Variants in SLC5A2 observed in about 807,000 individuals in gnomAD.
The protein encoded by SLC5A2 is sodium/glucose cotransporter 2.
SLC5A2 carries 67 observed loss-of-function variants against 69.0 expected under a neutral mutation model. The observed-to-expected ratio is 0.97, with a 90% CI of 0.80 to 1.19. The LOEUF (loss-of-function observed/expected upper bound fraction) is 1.19. Among genes scored for constraint, SLC5A2 ranks in the 50% most tolerant of loss-of-function variants. SLC5A2 has a pLI of 0.00. For synonymous variants in SLC5A2, 455 were observed against 395.8 expected (o/e 1.15, Z -1.78); for missense variants, 1,001 against 921.5 (o/e 1.09, Z -1.12).
chr16:31,487,685 A>T lies in SLC5A2; in HGVS notation c.811A>T (p.Thr271Ser). The change falls in exon 7 of 14, where the codon ACC becomes TCC. Residue 271 changes from threonine (T) to serine (S), a missense_variant. Thr to Ser is a moderately conservative substitution (Grantham distance 58, BLOSUM62 1). Transcript: ENST00000330498. ...CTACCACCTGCTCCGGCACCCCGTG[A>T]CCGGGGATCTGCCGTGGCCCGCGCT... ...DSYHLLRHPVTGDLPWPALLL... is the reference protein window; with the variant it reads ...DSYHLLRHPVSGDLPWPALLL... 1 of 1,613,566 alleles carries T rather than the reference A, an allele frequency of 6.2e-7. No homozygotes were observed. Among genetic ancestry groups the T allele is most frequent in the Non-Finnish European group, 8.5e-7 (1 of 1,179,986 alleles).
chr16:31,488,107 T>TA lies in SLC5A2; in HGVS notation c.956dup (p.Tyr319Ter). The part of the protein sequence containing the change: ...HIKAGCILCG[Y>*]LKLTPMFLMV... ...CAAGGCGGGCTGCATCCTGTGTGGG[T>TA]ACCTGAAGCTGACGCCCATGTTTCT... The change falls in exon 8 of 14, where the codon TAC becomes TAAC. Residue 319 changes from tyrosine (Y) to a stop codon, truncating the protein, a stop_gained and frameshift_variant. Transcript: ENST00000330498. LOFTEE classifies it high-confidence loss of function. 6.2e-7 allele frequency: 1 copy of TA among 1,614,066 alleles called. No individual in the cohort carries two copies. The highest frequency in any genetic ancestry group is 8.5e-7 in the Non-Finnish European group (1 of 1,179,970).
chr16:31,487,647 C>T lies in SLC5A2; in HGVS notation c.773C>T (p.Pro258Leu). ...VGNISSFCYRPRPDSYHLLRH... is the reference protein window; with the variant it reads ...VGNISSFCYRLRPDSYHLLRH... The stretch of plus-strand genomic sequence containing the variant: ...AACATCTCCAGCTTCTGCTATCGAC[C>T]CCGGCCCGACTCCTACCACCTGCTC... The change falls in exon 7 of 14, where the codon CCC becomes CTC. Residue 258 changes from proline (P) to leucine (L), a missense_variant. By Grantham distance (98) the Pro-to-Leu change is moderately conservative. Coordinates refer to ENST00000330498, the MANE Select transcript of SLC5A2 (RefSeq NM_003041.4). 1 of 1,613,896 alleles carries T rather than the reference C, an allele frequency of 6.2e-7. No individual in the cohort carries two copies. The highest frequency in any genetic ancestry group is 1.1e-5 in the South Asian group (1 of 91,088).
chr16:31,485,979 T>A, intron 4 of SLC5A2, 86 bp downstream of exon 4: 1 of 1,472,920 alleles, frequency 6.8e-7, no homozygotes, highest in Non-Finnish European at 9.5e-7. Context: ...GCGTGAGACC[T>A]AGGAGAAACC....
At chr16:31,490,020 G>GT (rs2082547511) in intron 12 of SLC5A2, 84 bp from the exon 13 acceptor site, 6 of 1,576,524 alleles carry the variant, frequency 3.8e-6, no homozygotes, top group Middle Eastern at 2.2e-4. Context: ...AGGGCAGGCA[G>GT]TGACGAGCTG....
In SLC5A2 at chr16:31,489,247, A is replaced by C. The variant is rs1386802909; in HGVS notation, c.1574A>C (p.His525Pro). The change falls in exon 12 of 14, where the codon CAC becomes CCC. Residue 525 changes from histidine (H) to proline (P), a missense_variant. Coordinates refer to ENST00000330498, the MANE Select transcript of SLC5A2 (RefSeq NM_003041.4). ...TGCCCAGCTTTCCTCTGCGGCGTGCACTACCTCTACTTCGCCATTGTGCTG... is the reference window on the plus strand; with the variant it reads ...TGCCCAGCTTTCCTCTGCGGCGTGCCCTACCTCTACTTCGCCATTGTGCTG... Reference protein sequence around the residue: ...SACPAFLCGVHYLYFAIVLFF... With the variant: ...SACPAFLCGVPYLYFAIVLFF... The C allele has an allele frequency of 6.2e-7, 1 of 1,610,612 alleles. No individual in the cohort carries two copies. Among genetic ancestry groups the C allele is most frequent in the Non-Finnish European group, 8.5e-7 (1 of 1,179,974 alleles).
Position 31,485,811 on chromosome 16 carries a change from T to C in SLC5A2, c.386T>C (p.Leu129Pro). ...GGGGTCATCACGATGCCACAGTACC[T>C]GCGCAAGCGCTTCGGCGGCCGCCGC... ...TAGVITMPQYLRKRFGGRRIR... is the reference protein window; with the variant it reads ...TAGVITMPQYPRKRFGGRRIR... The change falls in exon 4 of 14, where the codon CTG becomes CCG. Residue 129 changes from leucine (L) to proline (P), a missense_variant. Transcript: ENST00000330498. 2 of 1,613,584 alleles carry C rather than the reference T, an allele frequency of 1.2e-6. No individual in the cohort carries two copies. Among genetic ancestry groups the C allele is most frequent in the Non-Finnish European group, 1.7e-6 (2 of 1,180,028 alleles).
intron 5 of SLC5A2, 107 bp downstream of exon 5, chr16:31,486,382 G>C: frequency 2.5e-6 from 2 of 796,166 alleles, no homozygotes; most frequent in Non-Finnish European, 4.4e-6. Context: ...GGTCTGGAAG[G>C]GTGGTGTGGT....
rs778977924 is a variant in SLC5A2, at chr16:31,488,872, C to A, written c.1281-8C>A. ...GGTCCGGGTTCGATCCGACGGCCTC[C>A]GCCGCAGGCTCTGGGTGGTGTTCAT... On this transcript the variant is annotated splice_region_variant and splice_polypyrimidine_tract_variant and intron_variant, in intron 10 of 13. Transcript: ENST00000330498. The A allele has an allele frequency of 7.5e-6, 12 of 1,604,530 alleles. No individual in the cohort carries two copies. Among genetic ancestry groups the A allele is most frequent in the African/African-American group, 2.7e-5 (2 of 75,042 alleles).
At chr16:31,489,939 G>A in intron 12 of SLC5A2, 165 bp from the exon 13 acceptor site, 1 of 884,368 alleles carries the variant, frequency 1.1e-6, no homozygotes, top group Non-Finnish European at 1.8e-6. Context: ...CGAGGGCACA[G>A]GGCAGCCATG....
rs376197037 is a variant in SLC5A2 at position 31,490,084 on chromosome 16, C to T, written c.1666-20C>T. 576 of 1,612,872 alleles carry T rather than the reference C, an allele frequency of 3.6e-4. No homozygotes were observed. Among genetic ancestry groups the T allele is most frequent in the Non-Finnish European group, 4.4e-4 (521 of 1,179,940 alleles). ...GGGGGGACAGAACTCCCACCTCGTT[C>T]GTGCTCCCACCCTCCCCAGCTCCAC... On this transcript the variant is annotated intron_variant, in intron 12 of 13. Coordinates refer to ENST00000330498, the MANE Select transcript of SLC5A2 (RefSeq NM_003041.4).
intron 4 of SLC5A2, 95 bp from the exon 5 acceptor site, chr16:31,486,075 A>C (rs2082493147): frequency 4.9e-6 from 6 of 1,228,486 alleles, no homozygotes; most frequent in Non-Finnish European, 6.0e-6. Flanking sequence ...GGAAAAATGG[A>C]GGGAAGCTTT....
chr16:31,488,504 C>G lies in SLC5A2; in HGVS notation c.1129+14C>G. 1 of 1,604,158 alleles carries G rather than the reference C, an allele frequency of 6.2e-7. No individual in the cohort carries two copies. The highest frequency in any genetic ancestry group is 8.5e-7 in the Non-Finnish European group (1 of 1,176,746). On this transcript the variant is annotated intron_variant, in intron 9 of 13. Transcript: ENST00000330498. ...TCATGCCCAACGGTAAGGGCAGCCC[C>G]GGGCCACAGGCGCAAGCTCGCTGCG...
At chr16:31,489,438 G>A (rs2142634189) in intron 12 of SLC5A2, 100 bp downstream of exon 12, 1 of 1,055,240 alleles carries the variant, frequency 9.5e-7, no homozygotes, top group East Asian at 2.6e-5. Flanking sequence ...CTCGACTGAG[G>A]GTTGGGAATG....
chr16:31,487,687 C>T lies in SLC5A2; in HGVS notation c.813C>T (p.Thr271=), dbSNP rs768958075. 1.1e-5 allele frequency: 18 copies of T among 1,613,538 alleles called. No individual in the cohort carries two copies. The highest frequency in any genetic ancestry group is 1.3e-5 in the African/African-American group (1 of 75,074). The part of the protein sequence containing the change: ...DSYHLLRHPV[T]GDLPWPALLL... ...ACCACCTGCTCCGGCACCCCGTGAC[C>T]GGGGATCTGCCGTGGCCCGCGCTGC... Residue 271 remains threonine, a synonymous_variant, in exon 7 of 14, where the codon ACC becomes ACT. Coordinates refer to ENST00000330498, the MANE Select transcript of SLC5A2 (RefSeq NM_003041.4).
At chr16:31,488,825 G>T in intron 10 of SLC5A2, 53 bp downstream of exon 10, 1 of 1,601,006 alleles carries the variant, frequency 6.2e-7, no homozygotes, top group Non-Finnish European at 8.5e-7. Context: ...GCGGGGGCTT[G>T]CGCACCTGCA....
At position 31,490,183 on chromosome 16, in the gene SLC5A2, C is replaced by A; in HGVS notation, c.1745C>A (p.Ser582Ter). 1 of 1,614,176 alleles carries A rather than the reference C, an allele frequency of 6.2e-7. No homozygotes were observed. Among genetic ancestry groups the A allele is most frequent in the East Asian group, 2.2e-5 (1 of 44,884 alleles). The change falls in exon 13 of 14, where the codon TCA (serine) becomes TAA (stop). Residue 582 changes from serine (S) to a stop codon, truncating the protein, a stop_gained. Coordinates refer to ENST00000330498, the MANE Select transcript of SLC5A2 (RefSeq NM_003041.4). LOFTEE classifies it high-confidence loss of function. Reference protein sequence around the residue: ...DLDADEQQGSSLPVQNGCPES... With the variant: ...DLDADEQQGS ...GATGCTGATGAGCAGCAAGGCTCCT[C>A]ACTCCCTGTACAGAATGGGTGCCCA...
chr16:31,489,075 A>G, intron 11 of SLC5A2, 27 bp downstream of exon 11: 1 of 1,602,964 alleles, frequency 6.2e-7, no homozygotes, highest in Non-Finnish European at 8.5e-7. Context: ...TGGTGACGGC[A>G]GGGCTGGGCT....
Position 31,489,068 on chromosome 16 carries a change from T to A in SLC5A2, c.1449+20T>A. 1.2e-6 allele frequency: 2 copies of A among 1,602,416 alleles called. No homozygotes were observed. The highest frequency in any genetic ancestry group is 1.7e-6 in the Non-Finnish European group (2 of 1,179,892). ...GAGCAGGTGAGCGGCACGCGCGTGG[T>A]GACGGCAGGGCTGGGCTTGCACATC... is the stretch of plus-strand genomic sequence containing the variant. On this transcript the variant is annotated intron_variant, in intron 11 of 13. Transcript: ENST00000330498.
In SLC5A2 at chr16:31,489,179, C is replaced by T. The variant is rs149151639; in HGVS notation, c.1506C>T (p.Pro502=). The change falls in exon 12 of 14, where the codon CCC becomes CCT. Residue 502 remains proline (P), a synonymous_variant. Coordinates refer to ENST00000330498, the MANE Select transcript of SLC5A2 (RefSeq NM_003041.4). ...TGATGGGCCTGGCACGCCTGATTCC[C>T]GAGTTCTCCTTCGGCTCGGGCAGCT... is the stretch of plus-strand genomic sequence containing the variant. ...GLLMGLARLI[P]EFSFGSGSCV... 3.7e-6 allele frequency: 6 copies of T among 1,610,368 alleles called. No homozygotes were observed. The highest frequency in any genetic ancestry group is 5.1e-6 in the Non-Finnish European group (6 of 1,180,014).
Sources: gnomAD v4.1 joint callset for allele counts on GRCh38, gnomAD v4.1.1 for gene constraint, MANE v1.5 for transcripts, NCBI Gene and HGNC (gene_info 2026-07-23, HGNC 2026-07-21) for gene names.